INTS13: variants seen among roughly 807,000 people sequenced by gnomAD.
INTS13 encodes integrator complex subunit 13.
Under a neutral mutation model 90.2 loss-of-function variants are expected in INTS13, and 35 were observed. The ratio of observed to expected loss-of-function variants is 0.39; its 90% CI spans 0.30 to 0.51. The LOEUF (loss-of-function observed/expected upper bound fraction) is 0.51, where lower values mean the gene tolerates loss of function less well. Ranked by LOEUF, INTS13 falls within the 20% of genes least tolerant of loss-of-function variation. The pLI is 0.80. For missense variants in INTS13, 601 were observed against 851.2 expected (o/e 0.71, Z 3.66); for synonymous variants, 309 against 277.1 (o/e 1.11, Z -1.14).
At chr12:26,938,036 G>A (rs1285111213), upstream of INTS13, 1 of 152,584 alleles carries the variant, frequency 6.6e-6, no homozygotes, top group Non-Finnish European at 1.5e-5. Context: ...CGTGCGCACA[G>A]CGCTCTCCGA....
intron 3 of INTS13, among the ~76,000 whole-genome samples, chr12:26,934,256 A>T (rs2136322282): frequency 6.6e-6 from 1 of 152,306 alleles, no homozygotes; most frequent in South Asian, 2.1e-4. Flanking sequence ...GGTGACAGCA[A>T]GACTCCGTCT....
In INTS13 at chr12:26,914,574, A is replaced by G. The variant is rs756851956; in HGVS notation, c.1253T>C (p.Phe418Ser). 6.2e-7 allele frequency: 1 copy of G among 1,608,580 alleles called. No homozygotes were observed. The highest frequency in any genetic ancestry group is 1.7e-5 in the Admixed American group (1 of 59,434). The change falls in exon 12 of 17, where the codon TTT (phenylalanine) becomes TCT (serine). Residue 418 changes from phenylalanine to serine, a missense_variant. Phe to Ser is a radical substitution (Grantham distance 155). Transcript: ENST00000261191. ...TCTGTTTTCCCTCATAAATTCACCA[A>G]AATCCTAATGATAACCAAATAAGAT... ...GRVTDYRITD[F>S]GEFMRENRLT...
chr12:26,914,571 C>T lies in INTS13; in HGVS notation c.1256G>A (p.Gly419Asp), dbSNP rs1275730299. Residue 419 changes from glycine to aspartate, a missense_variant, in exon 12 of 17, where the codon GGT becomes GAT. Gly to Asp is a moderately conservative substitution (Grantham distance 94, BLOSUM62 -1). Around this residue, in one of 3 missense-constraint regions of INTS13, gnomAD observed 89 missense variants for 191.0 expected, o/e 0.47. Coordinates refer to ENST00000261191, the MANE Select transcript of INTS13 (RefSeq NM_018164.3). ...TAATCTGTTTTCCCTCATAAATTCA[C>T]CAAAATCCTAATGATAACCAAATAA... ...RVTDYRITDF[G>D]EFMRENRLTP... 1 of 1,609,066 alleles carries T rather than the reference C, an allele frequency of 6.2e-7. No homozygotes were observed. The highest frequency in any genetic ancestry group is 8.5e-7 in the Non-Finnish European group (1 of 1,177,194).
intron 8 of INTS13, among the ~76,000 whole-genome samples, chr12:26,919,361 G>A (rs370181118): frequency 3.3e-5 from 5 of 152,014 alleles, no homozygotes; most frequent in East Asian, 1.9e-4. Flanking sequence ...AGACAATGAA[G>A]GGCCTTGTAA....
At chr12:26,921,551 A>C (rs1411641771) in intron 8 of INTS13, among the ~76,000 whole-genome samples, 2 of 152,248 alleles carry the variant, frequency 1.3e-5, no homozygotes, top group Non-Finnish European at 2.9e-5. Context: ...TGAACTAGTC[A>C]GTCTGGTTTG....
At chr12:26,932,143 C>T (rs992692973) in intron 3 of INTS13, among the ~76,000 whole-genome samples, 2 of 150,120 alleles carry the variant, frequency 1.3e-5, no homozygotes, top group Non-Finnish European at 3.0e-5. Context: ...AACCCACAAG[C>T]GTGAAGTGAG....
rs1407521741 is a variant in INTS13, at chr12:26,919,042, T to A, written c.890-1309A>T. 4 of 401,214 alleles carry A rather than the reference T, an allele frequency of 1.0e-5. No homozygotes were observed. The Admixed American group carries it at 1.0e-4, about 10-fold the overall frequency. 24.9% of individuals were successfully genotyped at this position (401,214 alleles called of 1,614,324 possible). A position where few individuals can be genotyped will look rare whatever the true frequency, so the allele number is the denominator to read the frequency against. ...TTAGCCAGGCTTCGTGGTATGCACC[T>A]GCAGTCCCAGCTACTCCGGAGGCTG... On this transcript the variant is annotated intron_variant, in intron 8 of 16. Transcript: ENST00000261191.
intron 6 of INTS13, 127 bp from the exon 7 acceptor site, chr12:26,924,610 A>G: frequency 9.9e-7 from 1 of 1,007,832 alleles, no homozygotes; most frequent in South Asian, 1.8e-5. Context: ...GAAAAAAAGG[A>G]TCCATAAATT....
chr12:26,917,238 A>C (rs1951964228), intron 10 of INTS13, 114 bp downstream of exon 10: 1 of 289,840 alleles, frequency 3.5e-6, no homozygotes, highest in Non-Finnish European at 6.1e-6. Context: ...TGATGAATAT[A>C]GCTTTCCAGA....
At chr12:26,913,366 A>G in intron 14 of INTS13, 91 bp downstream of exon 14, 19 of 862,752 alleles carry the variant, frequency 2.2e-5, no homozygotes, top group Non-Finnish European at 3.6e-5. Context: ...ATGAACTACT[A>G]TTAAATCAGG....
intron 10 of INTS13, among the ~76,000 whole-genome samples, chr12:26,916,527 G>C (rs1018191758): frequency 6.6e-6 from 1 of 152,124 alleles, no homozygotes; most frequent in Non-Finnish European, 1.5e-5. Context: ...TAATCCTCAG[G>C]TTATTAATGC....
intron 1 of INTS13, among the ~76,000 whole-genome samples, chr12:26,937,096 G>C (rs188552944): frequency 2.7e-4 from 41 of 152,212 alleles, no homozygotes; most frequent in African/African-American, 9.9e-4. Flanking sequence ...ATTGTCAGAG[G>C]GAAACATTTT....
intron 6 of INTS13, among the ~76,000 whole-genome samples, chr12:26,924,692 G>C (rs954834450): frequency 1.5e-4 from 23 of 152,068 alleles, no homozygotes; most frequent in African/African-American, 5.6e-4. Flanking sequence ...TAATCAGTTT[G>C]CTAGATACCA....
intron 16 of INTS13, among the ~76,000 whole-genome samples, chr12:26,906,058 G>A (rs6487579): frequency 0.83 from 126,722 of 152,128 alleles, 53,166 homozygotes; most frequent in East Asian, 1. Context: ...TTTTCCCTCT[G>A]TAATGTTTAT....
intron 8 of INTS13, among the ~76,000 whole-genome samples, chr12:26,919,339 G>C (rs1399288810): frequency 2.2e-4 from 33 of 152,144 alleles, no homozygotes; most frequent in Admixed American, 2.2e-3. Flanking sequence ...GAATAAAAAG[G>C]GGGAGGGGGC....
chr12:26,925,766 T>C lies in INTS13; in HGVS notation c.670A>G (p.Lys224Glu), dbSNP rs757667457. The C allele has an allele frequency of 2.1e-5, 33 of 1,607,936 alleles. No individual in the cohort carries two copies. Among genetic ancestry groups the C allele is most frequent in the Middle Eastern group, 3.3e-4 (2 of 6,060 alleles). ...EDSLVSDRSK[K>E]ELSPVLTSEV... is the part of the protein sequence containing the mutation. ...TTCATTATTTCAACACTCACCTCTTTTTTAGAACGATCAGATACAAGGCTG... is the reference window on the plus strand; with the variant it reads ...TTCATTATTTCAACACTCACCTCTTCTTTAGAACGATCAGATACAAGGCTG... Residue 224 changes from lysine (K) to glutamate (E), a missense_variant, in exon 6 of 17, where the codon AAA becomes GAA. By Grantham distance (56) the Lys-to-Glu change is moderately conservative. Transcript: ENST00000261191.
chr12:26,914,174 T>A (rs1470899036), intron 12 of INTS13, 46 bp from the exon 13 acceptor site: 1 of 1,496,048 alleles, frequency 6.7e-7, no homozygotes, highest in Non-Finnish European at 9.0e-7. Flanking sequence ...TCTTGAAAAA[T>A]AAATATCAAA....
chr12:26,907,964 A>G (rs145333843), intron 15 of INTS13, among the ~76,000 whole-genome samples: 161 of 152,344 alleles, frequency 1.1e-3, no homozygotes, highest in African/African-American at 3.5e-3. Context: ...CAGAACACCC[A>G]GAACTCTCAC....
At chr12:26,906,586 GCAAT>G in intron 15 of INTS13, 149 bp from the exon 16 acceptor site, 1 of 797,890 alleles carries the variant, frequency 1.3e-6, no homozygotes, top group East Asian at 2.8e-5. Flanking sequence ...CACGATTAAG[GCAAT>G]CATTTTCCTC....
Sources: gnomAD v4.1 joint callset for allele counts (sites outside exome capture counted in the v4.1 genomes callset) on GRCh38, gnomAD v4.1.1 for gene constraint, gnomAD v4.1.1 regional missense constraint, MANE v1.5 for transcripts, NCBI Gene and HGNC (gene_info 2026-07-23, HGNC 2026-07-21) for gene names.